Variants in MORC1 observed in about 807,000 individuals in gnomAD.
MORC1 encodes the protein MORC family CW-type zinc finger 1, also known as MORC family CW-type zinc finger protein 1.
MORC1 carries 59 observed loss-of-function variants against 134.9 expected under a neutral mutation model. The ratio of observed to expected loss-of-function variants is 0.44; its 90% confidence interval spans 0.35 to 0.54. MORC1 has a LOEUF of 0.54. Among genes scored for constraint, MORC1 ranks in the 20% least tolerant of loss-of-function variants. The probability of loss-of-function intolerance (pLI) is 0.00; values close to 1 mark genes in which losing one functional copy is unlikely to be tolerated. For missense variants in MORC1, 947 were observed against 1,134.5 expected, an observed-to-expected ratio of 0.83 and a Z score of 2.37; for synonymous variants, 395 against 391.7, an observed-to-expected ratio of 1.01 and a Z score of -0.10.
chr3:109,027,792 C>T lies in MORC1; in HGVS notation c.1663G>A (p.Val555Ile). ...NEKEKQLRES[V>I]IKYQNRLAEQ... is the part of the protein sequence containing the mutation. ...GCCAGTCTATTTTGATACTTTATGA[C>T]CGACTCTCTAAGTTGCTTCTCTTTC... Residue 555 changes from valine to isoleucine, a missense_variant, in exon 17 of 28, where the codon GTC (valine) becomes ATC (isoleucine). Around this residue, in one of 3 missense-constraint regions of MORC1, gnomAD observed 722 missense variants for 817.0 expected, o/e 0.88. Coordinates refer to ENST00000232603, the MANE Select transcript of MORC1 (RefSeq NM_014429.4). 2 of 1,613,838 alleles carry T rather than the reference C, an allele frequency of 1.2e-6. No individual in the cohort carries two copies. The highest frequency in any genetic ancestry group is 1.7e-6 in the Non-Finnish European group (2 of 1,179,858).
intron 17 of MORC1, among the ~76,000 whole-genome samples, chr3:109,008,169 G>T (rs1576626098): frequency 6.6e-6 from 1 of 151,976 alleles, no homozygotes; most frequent in East Asian, 1.9e-4. Context: ...TATTTAACCA[G>T]GTCTATTGAC....
chr3:109,038,500 G>A (rs1949433811), intron 14 of MORC1, among the ~76,000 whole-genome samples: 1 of 152,124 alleles, frequency 6.6e-6, no homozygotes. Flanking sequence ...TTTTAGTCAT[G>A]AAGCCTTTGT....
chr3:109,095,010 G>A lies in MORC1; in HGVS notation c.482C>T (p.Pro161Leu). ...IRTRESVTDDPQKFAMELSII... is the reference protein window; with the variant it reads ...IRTRESVTDDLQKFAMELSII... ...AGATAATTCCATTGCAAATTTCTGG[G>A]GATCATCTGTGACAGATTCTCTGGT... The change falls in exon 7 of 28, where the codon CCC becomes CTC. Residue 161 changes from proline (P) to leucine (L), a missense_variant. Physicochemically the swap from Pro to Leu is moderately conservative, Grantham distance 98. Coordinates refer to ENST00000232603, the MANE Select transcript of MORC1 (RefSeq NM_014429.4). 8.8e-6 allele frequency: 14 copies of A among 1,590,018 alleles called. No individual in the cohort carries two copies. The highest frequency in any genetic ancestry group is 1.2e-5 in the Non-Finnish European group (14 of 1,172,680).
chr3:109,015,439 T>C (rs1948795064), intron 17 of MORC1, among the ~76,000 whole-genome samples: 1 of 152,198 alleles, frequency 6.6e-6, no homozygotes, highest in South Asian at 2.1e-4. Flanking sequence ...ATGTTGGGTC[T>C]ATTCCTCCCA....
intron 9 of MORC1, among the ~76,000 whole-genome samples, chr3:109,068,045 C>T (rs1950238200): frequency 6.6e-6 from 1 of 152,102 alleles, no homozygotes. Flanking sequence ...CTAGTTTTAA[C>T]ATTTCCTTAT....
In MORC1 at chr3:109,110,787, G is replaced by C; in HGVS notation, c.120-4C>G. 1.3e-6 allele frequency: 2 copies of C among 1,582,508 alleles called. No homozygotes were observed. The highest frequency in any genetic ancestry group is 1.7e-6 in the Non-Finnish European group (2 of 1,170,442). On this transcript the variant is annotated splice_region_variant and splice_polypyrimidine_tract_variant and intron_variant, in intron 2 of 27. Transcript: ENST00000232603. The stretch of plus-strand genomic sequence containing the variant: ...AAGTCTTTCAGCCCCTGCATCTCTG[G>C]AAACAATACAAAAATATTATTTCTT...
intron 24 of MORC1, among the ~76,000 whole-genome samples, chr3:108,975,913 T>G (rs1947538476): frequency 6.6e-6 from 1 of 152,142 alleles, no homozygotes; most frequent in African/African-American, 2.4e-5. Flanking sequence ...ACTCCAATAT[T>G]TAAAAGTATT....
chr3:109,072,480 A>G (rs111383489), intron 8 of MORC1, among the ~76,000 whole-genome samples: 24 of 152,254 alleles, frequency 1.6e-4, no homozygotes, highest in African/African-American at 4.8e-4. Flanking sequence ...TCCTCTGTCT[A>G]TGCATCTGCA....
At position 108,971,354 on chromosome 3, in the gene MORC1, C is replaced by G. The variant is rs752241352; in HGVS notation, c.2526G>C (p.Leu842Phe). The G allele has an allele frequency of 5.6e-6, 9 of 1,613,534 alleles. No individual in the cohort carries two copies. The highest frequency in any genetic ancestry group is 7.6e-6 in the Non-Finnish European group (9 of 1,179,666). The change falls in exon 25 of 28, where the codon TTG becomes TTC. Residue 842 changes from leucine to phenylalanine, a missense_variant. By Grantham distance (22) the Leu-to-Phe change is conservative. Transcript: ENST00000232603. ...FFPEHQLPSELEEPALSCELE... is the reference protein window; with the variant it reads ...FFPEHQLPSEFEEPALSCELE... Reference sequence around the variant, plus strand: ...CCTCACAACTTAATGCAGGTTCTTCCAATTCTGATGGTAGCTGATGCTCAG... The same window carrying G: ...CCTCACAACTTAATGCAGGTTCTTCGAATTCTGATGGTAGCTGATGCTCAG...
At chr3:108,990,186 T>G (rs1490792331) in intron 21 of MORC1, among the ~76,000 whole-genome samples, 1 of 152,192 alleles carries the variant, frequency 6.6e-6, no homozygotes, top group Non-Finnish European at 1.5e-5. Context: ...CATAGCAGTA[T>G]GAAAATGGAC....
intron 8 of MORC1, among the ~76,000 whole-genome samples, chr3:109,078,247 TC>T (rs1950459251): frequency 6.6e-6 from 1 of 152,092 alleles, no homozygotes; most frequent in African/African-American, 2.4e-5. Context: ...TAGAGCTCTG[TC>T]CTTATCAGAG....
intron 8 of MORC1, among the ~76,000 whole-genome samples, chr3:109,079,833 T>A (rs539094910): frequency 6.6e-6 from 1 of 151,900 alleles, no homozygotes; most frequent in South Asian, 2.1e-4. Context: ...AATGAATAAT[T>A]AGAAAAGCAA....
chr3:109,063,004 T>C lies in MORC1; in HGVS notation c.895+148A>G, dbSNP rs1950117665. ...AACTCAGAGATGGAAAGAATGTGTT[T>C]TGAAGTTCCATAGAGACAGAAACTA... On this transcript the variant is annotated intron_variant, in intron 10 of 27. Coordinates refer to ENST00000232603, the MANE Select transcript of MORC1 (RefSeq NM_014429.4). 1.8e-5 allele frequency: 9 copies of C among 511,152 alleles called. No individual in the cohort carries two copies. In the East Asian group the frequency reaches 2.3e-4, roughly 13 times the overall value. 31.7% of individuals were successfully genotyped at this position (511,152 alleles called of 1,614,324 possible).
chr3:108,961,489 T>C (rs1040580460), intron 27 of MORC1, among the ~76,000 whole-genome samples: 1 of 152,094 alleles, frequency 6.6e-6, no homozygotes, highest in African/African-American at 2.4e-5. Flanking sequence ...GATGCTACAT[T>C]ATTTCCACAC....
chr3:108,963,565 C>T lies in MORC1; in HGVS notation c.2648G>A (p.Arg883Lys), dbSNP rs1947138932. 1.3e-6 allele frequency: 2 copies of T among 1,589,630 alleles called. No homozygotes were observed. The highest frequency in any genetic ancestry group is 1.7e-6 in the Non-Finnish European group (2 of 1,169,516). Reference sequence around the variant, plus strand: ...ATCATAGATAATGGACTGCAATTTCCTCTTTATTTTTTTTTCATATTGGAC... The same window carrying T: ...ATCATAGATAATGGACTGCAATTTCTTCTTTATTTTTTTTTCATATTGGAC... ...YMVQYEKKIK[R>K]KLQSIIYDSN... Residue 883 changes from arginine to lysine, a missense_variant, in exon 27 of 28, where the codon AGG (arginine) becomes AAG (lysine). Physicochemically the swap from Arg to Lys is conservative, Grantham distance 26. Around this residue, in one of 3 missense-constraint regions of MORC1, gnomAD observed 722 missense variants for 817.0 expected, o/e 0.88. Coordinates refer to ENST00000232603, the MANE Select transcript of MORC1 (RefSeq NM_014429.4).
chr3:109,025,264 GTTGT>G (rs1949046278), intron 17 of MORC1, among the ~76,000 whole-genome samples: 3 of 151,136 alleles, frequency 2.0e-5, no homozygotes, highest in Non-Finnish European at 4.4e-5. Flanking sequence ...GTTCCTTTAG[GTTGT>G]TTTTCTCACC....
At chr3:108,998,553 C>T (rs1261689079) in intron 21 of MORC1, among the ~76,000 whole-genome samples, 1 of 152,114 alleles carries the variant, frequency 6.6e-6, no homozygotes, top group East Asian at 1.9e-4. Flanking sequence ...ATTTAATAGA[C>T]ACAGGGGCAC....
At chr3:108,983,561 A>G (rs1947812246) in intron 23 of MORC1, among the ~76,000 whole-genome samples, 1 of 152,232 alleles carries the variant, frequency 6.6e-6, no homozygotes, top group Non-Finnish European at 1.5e-5. Context: ...GAAGGCCTCT[A>G]TCCTTTAGGA....
Position 109,099,481 on chromosome 3 carries a change from A to G in MORC1, c.315-15T>C, listed in dbSNP as rs1950886801. The G allele has an allele frequency of 1.9e-6, 3 of 1,581,780 alleles. No homozygotes were observed. The highest frequency in any genetic ancestry group is 2.6e-6 in the Non-Finnish European group (3 of 1,160,704). ...TCATGGACCCACTATATTAAAAATG[A>G]AGAACATCATGTTTTACACCTCAAA... On this transcript the variant is annotated splice_polypyrimidine_tract_variant and intron_variant, in intron 5 of 27. Transcript: ENST00000232603.
Sources: gnomAD v4.1 joint callset for allele counts (sites outside exome capture counted in the v4.1 genomes callset) on GRCh38, gnomAD v4.1.1 for gene constraint, gnomAD v4.1.1 regional missense constraint, MANE v1.5 for transcripts, NCBI Gene and HGNC (gene_info 2026-07-23, HGNC 2026-07-21) for gene names.